The following FGF14 variants were observed in gnomAD, a reference collection of about 807,000 sequenced individuals.
FGF14 encodes the protein fibroblast growth factor homologous factor 4.
FGF14 carries 5 observed loss-of-function variants against 25.5 expected under a neutral mutation model. The observed-to-expected ratio is 0.20, with a 90% confidence interval of 0.10 to 0.41. The LOEUF (loss-of-function observed/expected upper bound fraction) is 0.41, where lower values mean the gene tolerates loss of function less well. FGF14 is among the 10% of genes least tolerant of loss of function. The pLI is 1.00. For missense variants in FGF14, 222 were observed against 320.1 expected (o/e 0.69, Z 2.34); for synonymous variants, 138 against 118.3 (o/e 1.17, Z -1.08).
intron 3 of FGF14, among the ~76,000 whole-genome samples, chr13:101,795,055 A>T (rs531657462): frequency 1.3e-5 from 2 of 152,302 alleles, no homozygotes; most frequent in Admixed American, 1.3e-4. Context: ...TTAAAATTTC[A>T]TTACCTTAAA....
chr13:101,966,296 G>A (rs964945664), intron 1 of FGF14, among the ~76,000 whole-genome samples: 1 of 152,104 alleles, frequency 6.6e-6, no homozygotes, highest in Non-Finnish European at 1.5e-5. Context: ...ATGAGAAGAT[G>A]AAGGCAGAAA....
rs1566763596 is a variant in FGF14 at position 102,161,566 on chromosome 13, G to GTCATAGTAC, written c.208+239904_208+239905insGTACTATGA. On this transcript the variant is annotated intron_variant, in intron 1 of 4. Transcript: ENST00000376131. ...ATTCTCTATGCAACCAACTTTCTGT[G>GTCATAGTAC]AAGAAAGAAAGAAGAAGAAGAAGAA... 8.9e-4 allele frequency among the ~76,000 whole-genome samples: 2 copies of GTCATAGTAC among 2,258 alleles called. 1 individual carries two copies. Among genetic ancestry groups the GTCATAGTAC allele is most frequent in the African/African-American group, 0.014 (2 of 144 alleles). 1.5% of individuals were successfully genotyped at this position (2,258 alleles called of 152,430 possible).
chr13:102,030,303 G>T (rs150438328), intron 1 of FGF14, among the ~76,000 whole-genome samples: 164 of 152,170 alleles, frequency 1.1e-3, no homozygotes, highest in Middle Eastern at 6.8e-3. Flanking sequence ...AGGTTCCAGA[G>T]ATGAGTGTCC....
At chr13:102,233,238 G>A (rs1433800219) in intron 1 of FGF14, among the ~76,000 whole-genome samples, 2 of 151,998 alleles carry the variant, frequency 1.3e-5, no homozygotes, top group Admixed American at 6.6e-5. Context: ...GGGTTCAAGC[G>A]ATTCTCATGC....
At chr13:102,153,824 A>T (rs894531741) in intron 1 of FGF14, among the ~76,000 whole-genome samples, 1 of 152,198 alleles carries the variant, frequency 6.6e-6, no homozygotes, top group Non-Finnish European at 1.5e-5. Flanking sequence ...AGGACGAATC[A>T]CAAGTAATCA....
At chr13:101,973,453 G>A (rs927736889) in intron 1 of FGF14, among the ~76,000 whole-genome samples, 5 of 152,054 alleles carry the variant, frequency 3.3e-5, no homozygotes, top group Non-Finnish European at 1.5e-5. Flanking sequence ...TCTCTAGAGC[G>A]ACAGAACTAA....
chr13:101,717,552 C>G lies in FGF14; in HGVS notation c.*5279G>C, dbSNP rs1056344174. ...CAGACATTGGAATTCATTACATTAT[C>G]TAGCCATCGTAATACAAATGACCTT... On this transcript the variant is annotated 3_prime_UTR_variant, in exon 5 of 5. Transcript: ENST00000376143. 1 of 152,142 alleles carries G rather than the reference C, an allele frequency of 6.6e-6. No individual in the cohort carries two copies. Among genetic ancestry groups the G allele is most frequent in the Non-Finnish European group, 1.5e-5 (1 of 68,022 alleles). 9.4% of individuals were successfully genotyped at this position (152,142 alleles called of 1,614,324 possible).
intron 3 of FGF14, among the ~76,000 whole-genome samples, chr13:101,809,428 C>A (rs2041373662): frequency 2.0e-5 from 3 of 152,076 alleles, no homozygotes. Flanking sequence ...AAGAGTTTAT[C>A]ATAAAATCTA....
intron 1 of FGF14, among the ~76,000 whole-genome samples, chr13:102,125,538 G>A (rs1187518586): frequency 6.6e-6 from 1 of 152,094 alleles, no homozygotes; most frequent in East Asian, 1.9e-4. Context: ...GATAACTATT[G>A]CTGTATGTGT....
chr13:102,114,896 T>C (rs975579049), intron 1 of FGF14, among the ~76,000 whole-genome samples: 1 of 152,130 alleles, frequency 6.6e-6, no homozygotes, highest in Non-Finnish European at 1.5e-5. Context: ...CTCCAGAGAT[T>C]GGGGGTACAA....
intron 3 of FGF14, among the ~76,000 whole-genome samples, chr13:101,743,419 TTTAA>T (rs1413393208): frequency 6.6e-6 from 1 of 152,160 alleles, no homozygotes; most frequent in Admixed American, 6.5e-5. Context: ...TTTAAGGCTT[TTTAA>T]TTAATTAATT....
intron 1 of FGF14, among the ~76,000 whole-genome samples, chr13:102,021,469 A>G (rs752539353): frequency 2.0e-5 from 3 of 151,752 alleles, no homozygotes; most frequent in Non-Finnish European, 2.9e-5. Context: ...AGGAACTCAG[A>G]TTTCTTAACT....
At chr13:101,768,623 T>C (rs1014271031) in intron 3 of FGF14, among the ~76,000 whole-genome samples, 1 of 152,020 alleles carries the variant, frequency 6.6e-6, no homozygotes, top group East Asian at 1.9e-4. Context: ...AATAGACAGA[T>C]AGATCAATGG....
At chr13:102,379,972 T>C (rs1204386378) in intron 1 of FGF14, among the ~76,000 whole-genome samples, 1 of 152,180 alleles carries the variant, frequency 6.6e-6, no homozygotes, top group Non-Finnish European at 1.5e-5. Flanking sequence ...AGCTCACTAA[T>C]GATGGCTTCA....
At chr13:102,308,916 C>CAAAAA (rs71125061) in intron 1 of FGF14, among the ~76,000 whole-genome samples, 12 of 61,986 alleles carry the variant, frequency 1.9e-4, no homozygotes, top group African/African-American at 4.4e-4. Context: ...GTTTCTTATA[C>CAAAAA]AAAAAAAAAA....
intron 1 of FGF14, among the ~76,000 whole-genome samples, chr13:102,015,173 G>A (rs770647454): frequency 6.6e-6 from 1 of 152,186 alleles, no homozygotes; most frequent in Non-Finnish European, 1.5e-5. Flanking sequence ...CTCCCAAATT[G>A]CTGAGATTAC....
intron 1 of FGF14, among the ~76,000 whole-genome samples, chr13:101,934,011 G>A (rs1033070786): frequency 6.6e-6 from 1 of 152,180 alleles, no homozygotes; most frequent in Non-Finnish European, 1.5e-5. Context: ...CTTGTTGGCA[G>A]AGGATAAAAC....
chr13:101,769,685 T>C (rs1471900134), intron 3 of FGF14, among the ~76,000 whole-genome samples: 1 of 152,148 alleles, frequency 6.6e-6, no homozygotes, highest in Non-Finnish European at 1.5e-5. Flanking sequence ...TGTGTATTAC[T>C]AAGTGAAAGG....
intron 3 of FGF14, among the ~76,000 whole-genome samples, chr13:101,751,463 C>T (rs2037268687): frequency 6.6e-6 from 1 of 152,112 alleles, no homozygotes; most frequent in African/African-American, 2.4e-5. Context: ...GCTGCAAAGG[C>T]TCCCCCACTG....
Sources: allele counts gnomAD v4.1 joint callset (sites outside exome capture counted in the v4.1 genomes callset), GRCh38; gene constraint gnomAD v4.1.1; transcripts MANE v1.5; gene names NCBI Gene and HGNC (gene_info 2026-07-23, HGNC 2026-07-21).